The following NFAT5 variants were observed in gnomAD, a reference collection of about 807,000 sequenced individuals.
The protein encoded by NFAT5 is nuclear factor of activated T-cells 5.
A neutral mutation model predicts 166.5 loss-of-function variants in NFAT5; 31 were observed. The ratio of observed to expected loss-of-function variants is 0.19; its 90% CI spans 0.14 to 0.25. The LOEUF (loss-of-function observed/expected upper bound fraction) is 0.25, where lower values mean the gene tolerates loss of function less well. Among genes scored for constraint, NFAT5 ranks in the 10% least tolerant of loss-of-function variants. The pLI, the probability that NFAT5 is intolerant of heterozygous loss-of-function variation, is 1.00. For missense variants in NFAT5, 1,449 were observed against 1,821.8 expected (o/e 0.80, Z 3.72); for synonymous variants, 612 against 639.7 (o/e 0.96, Z 0.65).
intron 7 of NFAT5, among the ~76,000 whole-genome samples, chr16:69,665,888 C>T (rs2036353734): frequency 4.2e-5 from 1 of 23,724 alleles, no homozygotes; most frequent in Non-Finnish European, 7.3e-5. Flanking sequence ...AAGAACAAAG[C>T]TGGAGGCATC....
Position 69,703,617 on chromosome 16 carries a change from T to C in NFAT5, c.*7266T>C, listed in dbSNP as rs575336572. ...TAAAAATAAATGTATACTCACTTTA[T>C]AAAAATCACCACTGCTGTCTTTCCT... On this transcript the variant is annotated 3_prime_UTR_variant, in exon 15 of 15. Coordinates refer to ENST00000349945, the MANE Select transcript of NFAT5 (RefSeq NM_138713.4). 6 of 152,652 alleles carry C rather than the reference T, an allele frequency of 3.9e-5. No homozygotes were observed. The highest frequency in any genetic ancestry group is 5.9e-5 in the Non-Finnish European group (4 of 68,032). The allele number at this position is 152,652 out of a possible 1,614,324, so 9.5% of individuals were successfully genotyped here.
In NFAT5 at chr16:69,703,492, C is replaced by T. The variant is rs1247092738; in HGVS notation, c.*7141C>T. The T allele has an allele frequency of 6.6e-6, 1 of 152,578 alleles. No individual in the cohort carries two copies. Among genetic ancestry groups the T allele is most frequent in the African/African-American group, 2.4e-5 (1 of 41,434 alleles). The allele number at this position is 152,578 out of a possible 1,614,324, so 9.5% of individuals were successfully genotyped here. Reference sequence around the variant, plus strand: ...GATTGATTCATTTCATTTTAATCTCCTTGTGTAATTCAGTACCTCCATAAT... The same window carrying T: ...GATTGATTCATTTCATTTTAATCTCTTTGTGTAATTCAGTACCTCCATAAT... On this transcript the variant is annotated 3_prime_UTR_variant, in exon 15 of 15. Transcript: ENST00000349945.
intron 2 of NFAT5, among the ~76,000 whole-genome samples, chr16:69,597,955 CTG>C (rs2032900297): frequency 6.6e-6 from 1 of 152,110 alleles, no homozygotes; most frequent in Non-Finnish European, 1.5e-5. Flanking sequence ...GCCTTAGTAA[CTG>C]TTGTCTAGAG....
At chr16:69,594,324 A>G (rs377516349) in intron 2 of NFAT5, among the ~76,000 whole-genome samples, 1 of 152,228 alleles carries the variant, frequency 6.6e-6, no homozygotes, top group Non-Finnish European at 1.5e-5. Context: ...CACAATAGTA[A>G]GTATTTGTGT....
intron 2 of NFAT5, among the ~76,000 whole-genome samples, chr16:69,595,830 AAACACT>A (rs140175346): frequency 0.036 from 5,494 of 152,230 alleles, 301 homozygotes; most frequent in African/African-American, 0.12. Flanking sequence ...ACTTGAACAC[AAACACT>A]GTGATACTTT....
chr16:69,583,854 T>C (rs908667025), intron 2 of NFAT5, among the ~76,000 whole-genome samples: 18 of 152,336 alleles, frequency 1.2e-4, no homozygotes, highest in Non-Finnish European at 1.3e-4. Flanking sequence ...TCTAGTTATA[T>C]GTAACCTACA....
At chr16:69,627,323 CAT>C (rs10524659) in intron 3 of NFAT5, among the ~76,000 whole-genome samples, 19 of 128,816 alleles carry the variant, frequency 1.5e-4, no homozygotes, top group Non-Finnish European at 2.6e-4. Context: ...AAAAAGGAAA[CAT>C]ATATATATAT....
At chr16:69,626,920 A>C (rs888725041) in intron 3 of NFAT5, among the ~76,000 whole-genome samples, 2 of 152,138 alleles carry the variant, frequency 1.3e-5, no homozygotes, top group African/African-American at 4.8e-5. Context: ...ATGATCTGAA[A>C]AATGACTGAA....
At chr16:69,636,170 A>C (rs1333454368) in intron 3 of NFAT5, among the ~76,000 whole-genome samples, 5 of 152,172 alleles carry the variant, frequency 3.3e-5, no homozygotes, top group Non-Finnish European at 7.4e-5. Context: ...AAAGCTCCAA[A>C]ATGATCTCCT....
chr16:69,614,134 C>G (rs1182994078), intron 2 of NFAT5, among the ~76,000 whole-genome samples: 1 of 151,256 alleles, frequency 6.6e-6, no homozygotes, highest in Admixed American at 6.6e-5. Flanking sequence ...TCTCTCTTTT[C>G]TTTCTTTTCT....
chr16:69,638,644 G>C (rs1380521097), intron 3 of NFAT5, among the ~76,000 whole-genome samples: 1 of 150,426 alleles, frequency 6.6e-6, no homozygotes, highest in African/African-American at 2.5e-5. Context: ...GCTGAGGCAG[G>C]AGAATCACTT....
intron 2 of NFAT5, among the ~76,000 whole-genome samples, chr16:69,585,503 CA>C (rs568470464): frequency 3.9e-5 from 6 of 152,070 alleles, no homozygotes; most frequent in Non-Finnish European, 8.8e-5. Flanking sequence ...AGCAGGGACT[CA>C]AACAGATACT....
intron 3 of NFAT5, among the ~76,000 whole-genome samples, chr16:69,644,405 T>G (rs542088145): frequency 6.6e-6 from 1 of 152,396 alleles, no homozygotes; most frequent in Admixed American, 6.5e-5. Context: ...AGATGGTTAC[T>G]GTTCTTTTCT....
intron 2 of NFAT5, among the ~76,000 whole-genome samples, chr16:69,575,688 T>G (rs2016708490): frequency 1.3e-5 from 2 of 151,880 alleles, no homozygotes; most frequent in Non-Finnish European, 2.9e-5. Flanking sequence ...TAAAAAAAAC[T>G]GTACCTGAGG....
At chr16:69,609,690 AC>A (rs1482539173) in intron 2 of NFAT5, among the ~76,000 whole-genome samples, 3 of 152,024 alleles carry the variant, frequency 2.0e-5, no homozygotes, top group African/African-American at 4.8e-5. Context: ...AATAGAAAAG[AC>A]AAAGTAGGAC....
intron 3 of NFAT5, among the ~76,000 whole-genome samples, chr16:69,630,290 C>A (rs1002501634): frequency 6.6e-6 from 1 of 152,064 alleles, no homozygotes; most frequent in Non-Finnish European, 1.5e-5. Context: ...GCTTGGCCTC[C>A]TAAAGTGCTG....
At chr16:69,621,212 G>A (rs1000429075) in intron 2 of NFAT5, among the ~76,000 whole-genome samples, 1 of 150,658 alleles carries the variant, frequency 6.6e-6, no homozygotes, top group Non-Finnish European at 1.5e-5. Context: ...GCTTGTTCTT[G>A]TCTAATTCTT....
intron 13 of NFAT5, 138 bp downstream of exon 13, chr16:69,694,377 C>T (rs2037686328): frequency 3.0e-6 from 2 of 671,226 alleles, no homozygotes; most frequent in Non-Finnish European, 5.0e-6. Flanking sequence ...GCCTCAGCCT[C>T]CCAAGCAGCT....
At position 69,697,395 on chromosome 16, in the gene NFAT5, A is replaced by G. The variant is rs1174804129; in HGVS notation, c.*1044A>G. The stretch of plus-strand genomic sequence containing the variant: ...CCTGAGAAACAACACATTTTTCCCC[A>G]TGAACGGTGCTGTTCTGAAGTCTTC... On this transcript the variant is annotated 3_prime_UTR_variant, in exon 15 of 15. Transcript: ENST00000349945. 1 of 152,096 alleles carries G rather than the reference A, an allele frequency of 6.6e-6. No individual in the cohort carries two copies. Among genetic ancestry groups the G allele is most frequent in the African/African-American group, 2.4e-5 (1 of 41,408 alleles). 9.4% of individuals were successfully genotyped at this position (152,096 alleles called of 1,614,324 possible). A position where few individuals can be genotyped will look rare whatever the true frequency, so the allele number is the denominator to read the frequency against.
Sources: allele counts gnomAD v4.1 joint callset (sites outside exome capture counted in the v4.1 genomes callset), GRCh38; gene constraint gnomAD v4.1.1; transcripts MANE v1.5; gene names NCBI Gene and HGNC (gene_info 2026-07-23, HGNC 2026-07-21).